The following KIF1B variants were observed in gnomAD, a reference collection of about 807,000 sequenced individuals.
KIF1B encodes kinesin family member 1B.
KIF1B carries 76 observed loss-of-function variants against 241.9 expected under a neutral mutation model. That is an observed-to-expected ratio of 0.31 (90% CI 0.26 to 0.38). The LOEUF is 0.38. Among genes scored for constraint, KIF1B ranks in the 10% least tolerant of loss-of-function variants. The probability of loss-of-function intolerance (pLI) is 1.00; values close to 1 mark genes in which losing one functional copy is unlikely to be tolerated. For synonymous variants in KIF1B, 750 were observed against 796.7 expected, an observed-to-expected ratio of 0.94 and a Z score of 0.99; for missense variants, 1,622 against 2,271.4, an observed-to-expected ratio of 0.71 and a Z score of 5.81.
At chr1:10,309,414 A>G (rs1650974976) in intron 22 of KIF1B, among the ~76,000 whole-genome samples, 1 of 147,188 alleles carries the variant, frequency 6.8e-6, no homozygotes, top group Non-Finnish European at 1.5e-5. Context: ...CACTGTGCTG[A>G]TGAGACTGTG....
chr1:10,361,785 C>T lies in KIF1B; in HGVS notation c.4264C>T (p.Arg1422Cys), dbSNP rs372766200. 3.7e-6 allele frequency: 6 copies of T among 1,614,106 alleles called. No homozygotes were observed. Among genetic ancestry groups the T allele is most frequent in the Middle Eastern group, 1.6e-4 (1 of 6,062 alleles). Residue 1422 changes from arginine to cysteine, a missense_variant, in exon 40 of 49, where the codon CGT becomes TGT. Physicochemically the swap from Arg to Cys is radical, Grantham distance 180. Around this residue, in one of 7 missense-constraint regions of KIF1B, gnomAD observed 803 missense variants for 1,112.0 expected, o/e 0.72. Transcript: ENST00000676179. Reference sequence around the variant, plus strand: ...CAAGATCTCACCACCACGCTCTCTGCGTAGCCTCTTTGGCAGCGGCTACTC... The same window carrying T: ...CAAGATCTCACCACCACGCTCTCTGTGTAGCCTCTTTGGCAGCGGCTACTC... The part of the protein sequence containing the change: ...DAKISPPRSL[R>C]SLFGSGYSKS...
chr1:10,289,446 T>A (rs907060961), intron 15 of KIF1B, among the ~76,000 whole-genome samples: 1 of 152,184 alleles, frequency 6.6e-6, no homozygotes, highest in Non-Finnish European at 1.5e-5. Context: ...CACATATCAC[T>A]GAGTCTGTGA....
rs763303622 is a variant in KIF1B at position 10,320,089 on chromosome 1, G to T, written c.2162G>T (p.Arg721Leu). Residue 721 changes from arginine (R) to leucine (L), a missense_variant, in exon 23 of 49, where the codon CGA (arginine) becomes CTA (leucine). Around this residue, in one of 7 missense-constraint regions of KIF1B, gnomAD observed 803 missense variants for 1,112.0 expected, o/e 0.72. Coordinates refer to ENST00000676179, the MANE Select transcript of KIF1B (RefSeq NM_001365951.3). ...GCCTTGCAGAAGCAGGTTGAAACCCGATCTCTGGCTGCAGAAACAACTGAA... is the reference window on the plus strand; with the variant it reads ...GCCTTGCAGAAGCAGGTTGAAACCCTATCTCTGGCTGCAGAAACAACTGAA... ...LQALQKQVETRSLAAETTEEE... is the reference protein window; with the variant it reads ...LQALQKQVETLSLAAETTEEE... 6.2e-7 allele frequency: 1 copy of T among 1,613,838 alleles called. No homozygotes were observed. The highest frequency in any genetic ancestry group is 2.2e-5 in the East Asian group (1 of 44,866).
chr1:10,350,220 CAG>C (rs1278265620), intron 37 of KIF1B, among the ~76,000 whole-genome samples: 3 of 150,604 alleles, frequency 2.0e-5, no homozygotes, highest in Admixed American at 6.7e-5. Context: ...ACCTGGGAGA[CAG>C]AGGTTGCAGT....
chr1:10,254,761 T>C (rs866681814), intron 2 of KIF1B, among the ~76,000 whole-genome samples: 14 of 150,376 alleles, frequency 9.3e-5, no homozygotes, highest in East Asian at 5.9e-4. Context: ...CCTGTAGTCC[T>C]AGCTACTCAG....
In KIF1B at chr1:10,273,099, T is replaced by C. The variant is rs1052951573; in HGVS notation, c.882+68T>C. 2.5e-6 allele frequency: 3 copies of C among 1,190,924 alleles called. No individual in the cohort carries two copies. The South Asian group carries it at 4.2e-5, about 17-fold the overall frequency. 73.8% of individuals were successfully genotyped at this position (1,190,924 alleles called of 1,614,324 possible). On this transcript the variant is annotated intron_variant, in intron 10 of 48. Transcript: ENST00000676179. ...TGTTTTAAATCCTCACTAGGATGTA[T>C]GGAGGCATAAGTAGGAATGGAACCT...
At chr1:10,252,560 C>T (rs1270475324) in intron 2 of KIF1B, among the ~76,000 whole-genome samples, 1 of 150,540 alleles carries the variant, frequency 6.6e-6, no homozygotes, top group African/African-American at 2.4e-5. Flanking sequence ...TGCAGGCACA[C>T]ACCACCATGC....
At chr1:10,327,239 G>A (rs1055745134) in intron 27 of KIF1B, among the ~76,000 whole-genome samples, 14 of 151,980 alleles carry the variant, frequency 9.2e-5, no homozygotes, top group African/African-American at 3.1e-4. Context: ...GGTGGCTCAC[G>A]TCTGTAATCC....
chr1:10,215,163 TATA>T (rs1557640188), intron 1 of KIF1B, among the ~76,000 whole-genome samples: 20 of 71,098 alleles, frequency 2.8e-4, no homozygotes, highest in Non-Finnish European at 4.1e-4. Context: ...TATATATATA[TATA>T]TATATATTTT....
At chr1:10,361,418 T>TA (rs1363166396) in intron 39 of KIF1B, among the ~76,000 whole-genome samples, 2 of 152,204 alleles carry the variant, frequency 1.3e-5, no homozygotes, top group African/African-American at 4.8e-5. Flanking sequence ...TGCTGCCACT[T>TA]ACTTCCTCTA....
intron 22 of KIF1B, chr1:10,306,452 A>G: frequency 1.0e-6 from 1 of 992,100 alleles, no homozygotes. Flanking sequence ...TTCTAAGATT[A>G]AAAATAATAA....
At chr1:10,268,346 G>T in intron 7 of KIF1B, 83 bp downstream of exon 7, 3 of 905,618 alleles carry the variant, frequency 3.3e-6, no homozygotes, top group Non-Finnish European at 5.4e-6. Flanking sequence ...TGCTTTTTGT[G>T]GAAGGTTGGG....
intron 38 of KIF1B, among the ~76,000 whole-genome samples, chr1:10,358,552 G>A (rs920633209): frequency 2.0e-5 from 3 of 151,864 alleles, no homozygotes; most frequent in Admixed American, 2.0e-4. Flanking sequence ...ACAAAAACAG[G>A]AACACAATAA....
Position 10,365,343 on chromosome 1 carries a change from C to T in KIF1B, c.4513-66C>T. 1.9e-6 allele frequency: 3 copies of T among 1,613,962 alleles called. No homozygotes were observed. In the South Asian group the frequency reaches 3.3e-5, roughly 18 times the overall value. On this transcript the variant is annotated intron_variant, in intron 42 of 48. Coordinates refer to ENST00000676179, the MANE Select transcript of KIF1B (RefSeq NM_001365951.3). This position sits in a 1 kb window ranked among gnomAD's most constrained non-coding sequence, Gnocchi z 4.0. ...GCTGCTGCATGTGATCATAGCTTTTCACTTTTCTCTCCTGAGGTCTTAACG... is the reference window on the plus strand; with the variant it reads ...GCTGCTGCATGTGATCATAGCTTTTTACTTTTCTCTCCTGAGGTCTTAACG...
intron 2 of KIF1B, among the ~76,000 whole-genome samples, chr1:10,241,489 G>T (rs1647136320): frequency 6.6e-6 from 1 of 152,154 alleles, no homozygotes. Flanking sequence ...GTTGGAGGCA[G>T]TTTTTGCTAT....
intron 22 of KIF1B, among the ~76,000 whole-genome samples, chr1:10,300,237 A>AAAT (rs367822978): frequency 0.013 from 1,808 of 143,898 alleles, 14 homozygotes; most frequent in Middle Eastern, 0.061. Context: ...ACTCAGTGTC[A>AAAT]AATAATAATA....
At chr1:10,245,267 A>AG (rs1287817018) in intron 2 of KIF1B, among the ~76,000 whole-genome samples, 1 of 152,206 alleles carries the variant, frequency 6.6e-6, no homozygotes, top group African/African-American at 2.4e-5. Flanking sequence ...CAGGGAGAAA[A>AG]GGGGGTAAAA....
At chr1:10,339,042 G>T (rs2102318372) in intron 31 of KIF1B, among the ~76,000 whole-genome samples, 1 of 152,216 alleles carries the variant, frequency 6.6e-6, no homozygotes, top group Admixed American at 6.5e-5. Context: ...TTTGTGTTGG[G>T]TCCTCTTTAA....
In KIF1B at chr1:10,375,003, C is replaced by T. The variant is rs913513241; in HGVS notation, c.5246C>T (p.Thr1749Ile). 6.2e-7 allele frequency: 1 copy of T among 1,614,166 alleles called. No individual in the cohort carries two copies. Residue 1749 changes from threonine (T) to isoleucine (I), a missense_variant, in exon 47 of 49, where the codon ACA (threonine) becomes ATA (isoleucine). Coordinates refer to ENST00000676179, the MANE Select transcript of KIF1B (RefSeq NM_001365951.3). ...GAGCGTGGAATCATTAACCTGTCCA[C>T]AGCACAGGTGGAGTACAGTGAGGAC... is the stretch of plus-strand genomic sequence containing the variant. ...PVERGIINLSTAQVEYSEDQQ... is the reference protein window; with the variant it reads ...PVERGIINLSIAQVEYSEDQQ...
Sources: allele counts gnomAD v4.1 joint callset (sites outside exome capture counted in the v4.1 genomes callset), GRCh38; gene constraint gnomAD v4.1.1; regional missense constraint gnomAD v4.1.1; non-coding constraint Gnocchi (gnomAD v3.1); transcripts MANE v1.5; gene names NCBI Gene and HGNC (gene_info 2026-07-23, HGNC 2026-07-21).